The following FYB2 variants were observed in gnomAD, a reference collection of about 807,000 sequenced individuals.
FYB2 encodes the protein FYN-binding protein 2.
A neutral mutation model predicts 94.1 loss-of-function variants in FYB2; 103 were observed. That is an observed-to-expected ratio of 1.09 (90% CI 0.93 to 1.29). The LOEUF is 1.29. Among genes scored for constraint, FYB2 ranks in the 50% most tolerant of loss-of-function variants. The pLI is 0.00. For synonymous variants in FYB2, 293 were observed against 287.9 expected (o/e 1.02, Z -0.18); for missense variants, 896 against 841.5 (o/e 1.06, Z -0.80).
intron 1 of FYB2, among the ~76,000 whole-genome samples, chr1:56,794,370 A>G (rs1264080611): frequency 1.3e-5 from 2 of 152,210 alleles, no homozygotes; most frequent in Non-Finnish European, 2.9e-5. Context: ...TTTCGCAGGA[A>G]GTAGGACAAT....
chr1:56,746,387 A>G (rs956106445), intron 9 of FYB2, among the ~76,000 whole-genome samples: 1 of 151,808 alleles, frequency 6.6e-6, no homozygotes, highest in Non-Finnish European at 1.5e-5. Flanking sequence ...TGTTTTTCTT[A>G]TCTTCATCTG....
chr1:56,722,511 T>C (rs1460132352), intron 17 of FYB2, among the ~76,000 whole-genome samples: 3 of 152,036 alleles, frequency 2.0e-5, no homozygotes, highest in Non-Finnish European at 2.9e-5. Flanking sequence ...CAAGTCTTCC[T>C]GGAGAAGAGG....
intron 5 of FYB2, among the ~76,000 whole-genome samples, chr1:56,764,725 TA>T (rs1480062546): frequency 6.6e-6 from 1 of 152,212 alleles, no homozygotes; most frequent in Admixed American, 6.5e-5. Context: ...TTGGCAGATA[TA>T]TTTTTTTTTT....
intron 1 of FYB2, among the ~76,000 whole-genome samples, chr1:56,794,634 C>G (rs1363264996): frequency 6.6e-6 from 1 of 152,082 alleles, no homozygotes; most frequent in Non-Finnish European, 1.5e-5. Context: ...TGCACTCTCT[C>G]TCCTTTTTCA....
intron 15 of FYB2, among the ~76,000 whole-genome samples, chr1:56,736,458 C>T (rs1273560776): frequency 5.5e-5 from 7 of 127,114 alleles, no homozygotes; most frequent in Non-Finnish European, 7.8e-5. Flanking sequence ...CAGAGCCTGT[C>T]TCCATTGCCC....
chr1:56,761,624 T>A (rs1046470568), intron 5 of FYB2, among the ~76,000 whole-genome samples: 3 of 152,172 alleles, frequency 2.0e-5, no homozygotes, highest in African/African-American at 7.2e-5. Flanking sequence ...GTATGCCCAA[T>A]GCCAAGTTCT....
chr1:56,777,546 A>C (rs956738255), intron 4 of FYB2, among the ~76,000 whole-genome samples: 1 of 152,164 alleles, frequency 6.6e-6, no homozygotes, highest in African/African-American at 2.4e-5. Flanking sequence ...GGAAACAGAA[A>C]ATCACAAAAA....
At position 56,781,412 on chromosome 1, in the gene FYB2, G is replaced by A. The variant is rs563481867; in HGVS notation, c.953+5763C>T. Among the ~76,000 whole-genome samples, 3 of 152,076 alleles carry A rather than the reference G, an allele frequency of 2.0e-5. No individual in the cohort carries two copies. In the East Asian group the frequency reaches 5.8e-4, roughly 29 times the overall value. On this transcript the variant is annotated intron_variant, in intron 4 of 19. Coordinates refer to ENST00000343433, the MANE Select transcript of FYB2 (RefSeq NM_001004303.5). Reference sequence around the variant, plus strand: ...TTCCTTCCAAACAAATCTTTAATCCGTCAACTTTTTTATTTCATTTTGACT... The same window carrying A: ...TTCCTTCCAAACAAATCTTTAATCCATCAACTTTTTTATTTCATTTTGACT...
chr1:56,762,964 G>T, intron 5 of FYB2, among the ~76,000 whole-genome samples: 1 of 152,084 alleles, frequency 6.6e-6, no homozygotes, highest in East Asian at 1.9e-4. Context: ...ATAAATGGAG[G>T]TTGTATTTTG....
intron 6 of FYB2, among the ~76,000 whole-genome samples, chr1:56,757,687 C>CTTCCTTCTTTCTTTCTTTCTTTCTTTCT (rs1293394860): frequency 2.8e-5 from 2 of 71,954 alleles, no homozygotes; most frequent in African/African-American, 6.3e-5. Context: ...TCCTTCCTTC[C>CTTCCTTCTTTCTTTCTTTCTTTCTTTCT]TTCTTTCTTT....
chr1:56,720,593 TTC>T, intron 17 of FYB2: 1 of 261,192 alleles, frequency 3.8e-6, no homozygotes, highest in Non-Finnish European at 7.1e-6. Flanking sequence ...TTATTATTTT[TTC>T]TCTCAAATCT....
chr1:56,791,219 T>C (rs1646256161), intron 2 of FYB2, among the ~76,000 whole-genome samples: 1 of 152,044 alleles, frequency 6.6e-6, no homozygotes, highest in African/African-American at 2.4e-5. Context: ...GTTTTTCTTC[T>C]AGGTGCTAGG....
At chr1:56,782,578 T>G (rs1646033418) in intron 4 of FYB2, among the ~76,000 whole-genome samples, 2 of 152,022 alleles carry the variant, frequency 1.3e-5, no homozygotes, top group Non-Finnish European at 2.9e-5. Flanking sequence ...TACAAATATG[T>G]GTTTCCAAGT....
chr1:56,737,258 G>A (rs1644849211), intron 14 of FYB2, 111 bp from the exon 15 acceptor site: 3 of 685,516 alleles, frequency 4.4e-6, no homozygotes, highest in Middle Eastern at 4.0e-4. Context: ...CTTCAGGTCT[G>A]TTTTAGCAAA....
chr1:56,739,066 T>A (rs151116472), intron 13 of FYB2, among the ~76,000 whole-genome samples: 15 of 152,054 alleles, frequency 9.9e-5, no homozygotes, highest in Non-Finnish European at 1.9e-4. Context: ...GTGGATGGGA[T>A]GGTAGTGAGA....
At chr1:56,771,330 G>A (rs1274778607) in intron 4 of FYB2, among the ~76,000 whole-genome samples, 1 of 152,052 alleles carries the variant, frequency 6.6e-6, no homozygotes, top group Non-Finnish European at 1.5e-5. Context: ...GATAGAATAT[G>A]AAAACACAGC....
chr1:56,724,580 T>G (rs1481510875), intron 16 of FYB2, among the ~76,000 whole-genome samples: 1 of 152,090 alleles, frequency 6.6e-6, no homozygotes, highest in Admixed American at 6.6e-5. Context: ...TGTATCTGCC[T>G]GCAGAGTCAT....
chr1:56,759,713 C>T (rs887071156), intron 5 of FYB2, among the ~76,000 whole-genome samples: 3 of 152,104 alleles, frequency 2.0e-5, no homozygotes, highest in Non-Finnish European at 2.9e-5. Flanking sequence ...TTCTTTGAGC[C>T]TCAGCTTGCT....
At chr1:56,743,003 T>C (rs577209432) in intron 11 of FYB2, among the ~76,000 whole-genome samples, 2 of 152,214 alleles carry the variant, frequency 1.3e-5, no homozygotes, top group African/African-American at 4.8e-5. Flanking sequence ...TTGATAATTG[T>C]ATACATAGTG....
Sources: allele counts gnomAD v4.1 joint callset (sites outside exome capture counted in the v4.1 genomes callset), GRCh38; gene constraint gnomAD v4.1.1; transcripts MANE v1.5; gene names NCBI Gene and HGNC (gene_info 2026-07-23, HGNC 2026-07-21).